MARCHF1: variants seen among roughly 807,000 people sequenced by gnomAD.
MARCHF1 encodes the protein membrane associated ring-CH-type finger 1, also known as E3 ubiquitin-protein ligase MARCHF1.
MARCHF1 carries 40 observed loss-of-function variants against 54.2 expected under a neutral mutation model. The ratio of observed to expected loss-of-function variants is 0.74; its 90% CI spans 0.57 to 0.96. The LOEUF is 0.96. MARCHF1 is among the 40% of genes least tolerant of loss of function. The pLI is 0.00. For missense variants in MARCHF1, 586 were observed against 656.5 expected (o/e 0.89, Z 1.17); for synonymous variants, 236 against 236.3 (o/e 1.00, Z 0.01).
chr4:164,020,648 A>T (rs1270831652), intron 2 of MARCHF1, among the ~76,000 whole-genome samples: 2 of 152,222 alleles, frequency 1.3e-5, no homozygotes, highest in East Asian at 3.8e-4. Context: ...TGATCCAGGT[A>T]GGGCTGGGTG....
intron 4 of MARCHF1, among the ~76,000 whole-genome samples, chr4:163,713,688 A>T (rs776342556): frequency 5.3e-5 from 8 of 152,204 alleles, no homozygotes; most frequent in Non-Finnish European, 7.3e-5. Flanking sequence ...TTTCAGAAAT[A>T]TGCTATAAAA....
At chr4:164,086,453 C>T (rs1030346070) in intron 2 of MARCHF1, among the ~76,000 whole-genome samples, 1 of 151,910 alleles carries the variant, frequency 6.6e-6, no homozygotes, top group African/African-American at 2.4e-5. Context: ...TTTCAAGTTT[C>T]ATCACGAAAA....
At chr4:164,035,651 A>T (rs1303497226) in intron 2 of MARCHF1, among the ~76,000 whole-genome samples, 1 of 151,258 alleles carries the variant, frequency 6.6e-6, no homozygotes. Context: ...AAAAAATCAG[A>T]AACAAAAATA....
At chr4:164,025,435 T>G (rs764690770) in intron 2 of MARCHF1, among the ~76,000 whole-genome samples, 1 of 151,594 alleles carries the variant, frequency 6.6e-6, no homozygotes, top group Non-Finnish European at 1.5e-5. Context: ...ATCAAGAAGG[T>G]CTCCCAAAAC....
At chr4:163,866,848 A>G (rs1486219868) in intron 3 of MARCHF1, among the ~76,000 whole-genome samples, 1 of 151,926 alleles carries the variant, frequency 6.6e-6, no homozygotes, top group Non-Finnish European at 1.5e-5. Context: ...AAAAGACATA[A>G]GGAGAAGTCT....
Position 163,646,159 on chromosome 4 carries a change from C to T in MARCHF1, c.163-32766G>A, listed in dbSNP as rs1313021409. ...AGACTGGTCACATCCAAGGGAACCT[C>T]CGTTAGGTTATCAGAGGACTTCTCA... On this transcript the variant is annotated intron_variant, in intron 5 of 9. Transcript: ENST00000514618. Among the ~76,000 whole-genome samples the T allele has an allele frequency of 2.8e-4, 43 of 152,068 alleles. 1 individual carries two copies. Among genetic ancestry groups the T allele is most frequent in the Admixed American group, 2.8e-3 (43 of 15,252 alleles).
chr4:163,584,997 A>C (rs1297808045), intron 8 of MARCHF1: 1 of 152,184 alleles, frequency 6.6e-6, no homozygotes, highest in Admixed American at 6.5e-5. Context: ...TCAAACATGA[A>C]TTGTATAAGT....
At chr4:163,960,068 C>T (rs1752316828) in intron 3 of MARCHF1, among the ~76,000 whole-genome samples, 1 of 151,980 alleles carries the variant, frequency 6.6e-6, no homozygotes, top group African/African-American at 2.4e-5. Flanking sequence ...CTCAATATCA[C>T]TGATCGTTAG....
At chr4:163,638,361 G>A (rs1198550675) in intron 5 of MARCHF1, among the ~76,000 whole-genome samples, 1 of 152,036 alleles carries the variant, frequency 6.6e-6, no homozygotes, top group Non-Finnish European at 1.5e-5. Context: ...CATCGTCTTG[G>A]TGATGAGTGA....
chr4:163,620,215 T>A (rs1457797360), intron 5 of MARCHF1, among the ~76,000 whole-genome samples: 1 of 152,142 alleles, frequency 6.6e-6, no homozygotes, highest in Admixed American at 6.6e-5. Flanking sequence ...AACAATGGTA[T>A]CCACGTTAAC....
intron 1 of MARCHF1, among the ~76,000 whole-genome samples, chr4:164,346,863 TAA>T (rs1730121296): frequency 6.6e-6 from 1 of 151,980 alleles, no homozygotes; most frequent in African/African-American, 2.4e-5. Flanking sequence ...TCATCATACC[TAA>T]AAGAGTCAGG....
chr4:164,072,354 G>C (rs2111093800), intron 2 of MARCHF1, among the ~76,000 whole-genome samples: 1 of 152,244 alleles, frequency 6.6e-6, no homozygotes, highest in Non-Finnish European at 1.5e-5. Context: ...TGGAGGCAGA[G>C]GTAGGTTCGA....
intron 1 of MARCHF1, among the ~76,000 whole-genome samples, chr4:164,128,945 T>C (rs535829044): frequency 1.2e-4 from 18 of 152,304 alleles, no homozygotes; most frequent in African/African-American, 4.3e-4. Flanking sequence ...TCTTGAGCTC[T>C]ATTTAACAAC....
At chr4:164,322,141 T>C (rs1004024513) in intron 1 of MARCHF1, among the ~76,000 whole-genome samples, 8 of 151,978 alleles carry the variant, frequency 5.3e-5, no homozygotes, top group African/African-American at 1.9e-4. Flanking sequence ...TTAGAGAAAA[T>C]GGTTATCTAT....
rs1474889895 is a variant in MARCHF1 at position 163,983,533 on chromosome 4, C to T, written c.-39+4968G>A. 1.4e-4 allele frequency among the ~76,000 whole-genome samples: 22 copies of T among 152,102 alleles called. No individual in the cohort carries two copies. In the Middle Eastern group the frequency reaches 0.01, roughly 71 times the overall value. ...CTGTAACAAAAAGAAAACAAAACTCCCCCCACTTAGAGGTTAGCAGGTTTG... is the reference window on the plus strand; with the variant it reads ...CTGTAACAAAAAGAAAACAAAACTCTCCCCACTTAGAGGTTAGCAGGTTTG... On this transcript the variant is annotated intron_variant, in intron 3 of 9. Coordinates refer to ENST00000514618, the MANE Select transcript of MARCHF1 (RefSeq NM_001394959.1).
chr4:163,737,306 G>A (rs1344982334), intron 4 of MARCHF1, among the ~76,000 whole-genome samples: 50 of 77,768 alleles, frequency 6.4e-4, no homozygotes, highest in African/African-American at 1.6e-3. Flanking sequence ...ATGCTGGTGC[G>A]CTGCACCCAC....
chr4:164,284,332 GAC>G (rs879849129), intron 1 of MARCHF1, among the ~76,000 whole-genome samples: 2,300 of 117,164 alleles, frequency 0.02, 97 homozygotes, highest in African/African-American at 0.072. Context: ...GAGAGAGAGA[GAC>G]AGAGAGAGAG....
intron 4 of MARCHF1, among the ~76,000 whole-genome samples, chr4:163,798,959 T>C (rs1043069022): frequency 6.6e-6 from 1 of 152,110 alleles, no homozygotes; most frequent in African/African-American, 2.4e-5. Flanking sequence ...TGTTAGTTCG[T>C]TTAGTCTTCT....
chr4:163,959,045 G>T lies in MARCHF1; in HGVS notation c.-39+29456C>A, dbSNP rs1202128394. Among the ~76,000 whole-genome samples, 4 of 151,822 alleles carry T rather than the reference G, an allele frequency of 2.6e-5. No individual in the cohort carries two copies. In the East Asian group the frequency reaches 7.7e-4, roughly 29 times the overall value. On this transcript the variant is annotated intron_variant, in intron 3 of 9. Transcript: ENST00000514618. ...GCTCCCCAGCCAAATGCCAGCTAGAGACCCCAGAAATGTAGGTGAGGTTAT... is the reference window on the plus strand; with the variant it reads ...GCTCCCCAGCCAAATGCCAGCTAGATACCCCAGAAATGTAGGTGAGGTTAT...
Sources: gnomAD v4.1 joint callset for allele counts (sites outside exome capture counted in the v4.1 genomes callset) on GRCh38, gnomAD v4.1.1 for gene constraint, MANE v1.5 for transcripts, NCBI Gene and HGNC (gene_info 2026-07-23, HGNC 2026-07-21) for gene names.